Variants in PARD3B observed in about 807,000 individuals in gnomAD.
The protein encoded by PARD3B is par-3 family cell polarity regulator beta, also known as partitioning defective 3 homolog B.
PARD3B carries 103 observed loss-of-function variants against 130.2 expected under a neutral mutation model. That is an observed-to-expected ratio of 0.79 (90% confidence interval 0.67 to 0.93). The LOEUF (loss-of-function observed/expected upper bound fraction) is 0.93, where lower values mean the gene tolerates loss of function less well. Among genes scored for constraint, PARD3B ranks in the 40% least tolerant of loss-of-function variants. The probability of loss-of-function intolerance (pLI) is 0.00; values close to 1 mark genes in which losing one functional copy is unlikely to be tolerated. For missense variants in PARD3B, 1,609 were observed against 1,499.2 expected (o/e 1.07, Z -1.21); for synonymous variants, 583 against 553.2 (o/e 1.05, Z -0.76).
At chr2:204,879,192 C>T (rs1040157971) in intron 2 of PARD3B, among the ~76,000 whole-genome samples, 1 of 152,026 alleles carries the variant, frequency 6.6e-6, no homozygotes, top group Admixed American at 6.5e-5. Flanking sequence ...TAAACAAACC[C>T]ATTTTTGTTA....
chr2:204,669,628 G>T lies in PARD3B; in HGVS notation c.121-16553G>T, dbSNP rs2036193942. 6.6e-6 allele frequency among the ~76,000 whole-genome samples: 1 copy of T among 152,130 alleles called. No homozygotes were observed. Among genetic ancestry groups the T allele is most frequent in the African/African-American group, 2.4e-5 (1 of 41,436 alleles). On this transcript the variant is annotated intron_variant, in intron 1 of 22. Transcript: ENST00000406610. The surrounding 1 kb of genome is among the most constrained non-coding windows in gnomAD (Gnocchi z 4.3). ...ATCAGGGAACACTATTTCCTTGGTTGCAATAAATGTCCATACTGTCTATTG... is the reference window on the plus strand; with the variant it reads ...ATCAGGGAACACTATTTCCTTGGTTTCAATAAATGTCCATACTGTCTATTG...
At chr2:204,968,880 G>A (rs762235128) in intron 3 of PARD3B, among the ~76,000 whole-genome samples, 3 of 152,222 alleles carry the variant, frequency 2.0e-5, no homozygotes, top group Non-Finnish European at 4.4e-5. Context: ...TAATTCGTAA[G>A]ATGAGTTTTA....
chr2:204,636,960 T>C (rs2034901990), intron 1 of PARD3B, among the ~76,000 whole-genome samples: 1 of 152,186 alleles, frequency 6.6e-6, no homozygotes, highest in Admixed American at 6.5e-5. Context: ...TCTGTCCCTG[T>C]AAGGAGTTAA....
chr2:205,529,146 C>T (rs2051470578), intron 21 of PARD3B, among the ~76,000 whole-genome samples: 1 of 152,190 alleles, frequency 6.6e-6, no homozygotes, highest in Non-Finnish European at 1.5e-5. Flanking sequence ...TTTATCAGAA[C>T]TTCTCCAGGA....
At chr2:204,913,287 T>C (rs1371469763) in intron 2 of PARD3B, among the ~76,000 whole-genome samples, 1 of 152,214 alleles carries the variant, frequency 6.6e-6, no homozygotes, top group Non-Finnish European at 1.5e-5. Context: ...ATGGTGATTC[T>C]GGGCTCCAGA....
chr2:205,349,202 A>G (rs1198960867), intron 18 of PARD3B, among the ~76,000 whole-genome samples: 4 of 152,220 alleles, frequency 2.6e-5, no homozygotes, highest in African/African-American at 9.6e-5. Context: ...TACAGGAAAT[A>G]AGAGAGAAAT....
intron 3 of PARD3B, among the ~76,000 whole-genome samples, chr2:204,975,179 G>A (rs888070666): frequency 3.9e-5 from 6 of 152,096 alleles, no homozygotes; most frequent in South Asian, 2.1e-4. Context: ...CCCATAGCTT[G>A]GTTAATTGCT....
intron 2 of PARD3B, among the ~76,000 whole-genome samples, chr2:204,800,793 A>G (rs2042540417): frequency 1.3e-5 from 2 of 152,156 alleles, no homozygotes; most frequent in Admixed American, 1.3e-4. Flanking sequence ...GCCCATGCCT[A>G]TGTCCTGAAT....
intron 21 of PARD3B, among the ~76,000 whole-genome samples, chr2:205,517,863 G>GT (rs2050858593): frequency 6.6e-6 from 1 of 152,156 alleles, no homozygotes; most frequent in Non-Finnish European, 1.5e-5. Context: ...TCAGGAGCAT[G>GT]TTGTTTAATA....
rs2042761507 is a variant in PARD3B at position 205,321,791 on chromosome 2, T to TCC, written c.2630+20090_2630+20091insCC. Among the ~76,000 whole-genome samples, 1 of 152,210 alleles carries TCC rather than the reference T, an allele frequency of 6.6e-6. No individual in the cohort carries two copies. On this transcript the variant is annotated intron_variant, in intron 18 of 22. Transcript: ENST00000406610. This position sits in a 1 kb window ranked among gnomAD's most constrained non-coding sequence, Gnocchi z 4.2. ...CACTATCTAATCTAAAAACATAAAT[T>TCC]AAGTCAGTGTTGACTCCTGGTAAAT...
In PARD3B at chr2:205,119,043, C is replaced by T. The variant is rs760297073; in HGVS notation, c.803C>T (p.Ala268Val). The change falls in exon 7 of 23, where the codon GCT becomes GTT. Residue 268 changes from alanine (A) to valine (V), a missense_variant. Coordinates refer to ENST00000406610, the MANE Select transcript of PARD3B (RefSeq NM_001302769.2). ...NNVDLVDKTF[A>V]QAQDVFRQAM... ...GTGGATCTCGTAGACAAAACCTTTGCTCAGTAAGCATTTTTTCATTGTTTT... is the reference window on the plus strand; with the variant it reads ...GTGGATCTCGTAGACAAAACCTTTGTTCAGTAAGCATTTTTTCATTGTTTT... 9.4e-6 allele frequency: 15 copies of T among 1,596,796 alleles called. No individual in the cohort carries two copies. The highest frequency in any genetic ancestry group is 1.3e-5 in the Non-Finnish European group (15 of 1,174,116).
Position 205,187,311 on chromosome 2 carries a change from G to T in PARD3B, c.2024+1448G>T, listed in dbSNP as rs574503149. ...AAATTGAATTGTACAAGGTGGAGCT[G>T]ATCAGCCAGATGATAAAGCCCAGAG... On this transcript the variant is annotated intron_variant, in intron 14 of 22. Coordinates refer to ENST00000406610, the MANE Select transcript of PARD3B (RefSeq NM_001302769.2). The surrounding 1 kb of genome is among the most constrained non-coding windows in gnomAD (Gnocchi z 4.9). Among the ~76,000 whole-genome samples, 5 of 152,310 alleles carry T rather than the reference G, an allele frequency of 3.3e-5. No individual in the cohort carries two copies. The highest frequency in any genetic ancestry group is 1.2e-4 in the African/African-American group (5 of 41,576).
Position 205,321,169 on chromosome 2 carries a change from A to G in PARD3B, c.2630+19468A>G, listed in dbSNP as rs769078450. 1.8e-4 allele frequency among the ~76,000 whole-genome samples: 28 copies of G among 152,242 alleles called. No individual in the cohort carries two copies. The highest frequency in any genetic ancestry group is 3.4e-4 in the Non-Finnish European group (23 of 68,036). ...ATAGTTTTTGTAATATATGTTGCCAATAGACCAGCCACATTAAACAATAAA... is the reference window on the plus strand; with the variant it reads ...ATAGTTTTTGTAATATATGTTGCCAGTAGACCAGCCACATTAAACAATAAA... On this transcript the variant is annotated intron_variant, in intron 18 of 22. Coordinates refer to ENST00000406610, the MANE Select transcript of PARD3B (RefSeq NM_001302769.2). The surrounding 1 kb of genome is among the most constrained non-coding windows in gnomAD (Gnocchi z 4.2).
intron 18 of PARD3B, among the ~76,000 whole-genome samples, chr2:205,384,730 T>C (rs2668142): frequency 0.77 from 116,830 of 151,956 alleles, 46,461 homozygotes; most frequent in Admixed American, 0.88. Context: ...TGGGAATCTG[T>C]GAACTCTTAG....
chr2:205,022,852 C>T (rs1400326774), intron 3 of PARD3B, among the ~76,000 whole-genome samples: 1 of 152,164 alleles, frequency 6.6e-6, no homozygotes, highest in African/African-American at 2.4e-5. Flanking sequence ...AGAAAACAGG[C>T]ATGCAAGGCA....
chr2:205,107,552 G>C (rs1703316091), intron 5 of PARD3B, among the ~76,000 whole-genome samples: 1 of 152,090 alleles, frequency 6.6e-6, no homozygotes, highest in Non-Finnish European at 1.5e-5. Flanking sequence ...GTAGTTTATT[G>C]TAACTATTTC....
chr2:204,945,265 A>G lies in PARD3B; in HGVS notation c.223-19887A>G, dbSNP rs538893366. Among the ~76,000 whole-genome samples the G allele has an allele frequency of 1.5e-4, 23 of 152,264 alleles. No homozygotes were observed. In the South Asian group the frequency reaches 2.9e-3, roughly 19 times the overall value. The stretch of plus-strand genomic sequence containing the variant: ...GGGGCTCTGGGTTCCTAAGGGGATC[A>G]TGGAGGGTGATGGACTAGAAAATTG... On this transcript the variant is annotated intron_variant, in intron 2 of 22. Coordinates refer to ENST00000406610, the MANE Select transcript of PARD3B (RefSeq NM_001302769.2).
rs189200607 is a variant in PARD3B at position 205,353,983 on chromosome 2, G to A, written c.2631-47030G>A. Among the ~76,000 whole-genome samples the A allele has an allele frequency of 2.5e-4, 37 of 150,262 alleles. 1 individual carries two copies. The highest frequency in any genetic ancestry group is 1.6e-3 in the East Asian group (8 of 5,120). On this transcript the variant is annotated intron_variant, in intron 18 of 22. Transcript: ENST00000406610. ...TCAGAGAAGCTAAGTGACTTGCCCAGAGTTTAGAATTCAAATCCTTCTTTC... is the reference window on the plus strand; with the variant it reads ...TCAGAGAAGCTAAGTGACTTGCCCAAAGTTTAGAATTCAAATCCTTCTTTC...
intron 2 of PARD3B, among the ~76,000 whole-genome samples, chr2:204,687,995 C>T (rs147073225): frequency 6.6e-6 from 1 of 152,244 alleles, no homozygotes; most frequent in African/African-American, 2.4e-5. Flanking sequence ...TTTAAACTAT[C>T]TCAGCAATGC....
Sources: allele counts gnomAD v4.1 joint callset (sites outside exome capture counted in the v4.1 genomes callset), GRCh38; gene constraint gnomAD v4.1.1; non-coding constraint Gnocchi (gnomAD v3.1); transcripts MANE v1.5; gene names NCBI Gene and HGNC (gene_info 2026-07-23, HGNC 2026-07-21).